ARHGEF17: variants seen among roughly 807,000 people sequenced by gnomAD.
The protein encoded by ARHGEF17 is Rho guanine nucleotide exchange factor 17, also known as 164 kDa Rho-specific guanine-nucleotide exchange factor.
In ARHGEF17, 80 loss-of-function variants were observed where a neutral mutation model predicts 174.0. The ratio of observed to expected loss-of-function variants is 0.46; its 90% CI spans 0.38 to 0.55. The LOEUF (loss-of-function observed/expected upper bound fraction) is 0.55. ARHGEF17 is among the 20% of genes least tolerant of loss of function. The pLI is 0.00. For synonymous variants in ARHGEF17, 1,311 were observed against 1,189.1 expected, an observed-to-expected ratio of 1.10 and a Z score of -2.11; for missense variants, 2,886 against 2,839.7, an observed-to-expected ratio of 1.02 and a Z score of -0.37.
rs1361148463 is a variant in ARHGEF17, at chr11:73,309,371, A to G, written c.733A>G (p.Ser245Gly). 1.3e-6 allele frequency: 2 copies of G among 1,594,172 alleles called. No homozygotes were observed. Among genetic ancestry groups the G allele is most frequent in the Non-Finnish European group, 1.7e-6 (2 of 1,170,520 alleles). Reference protein sequence around the residue: ...SIAASYPVSRSRAASSSEEEE... With the variant: ...SIAASYPVSRGRAASSSEEEE... ...CGCCGCCTCCTATCCTGTCAGCCGC[A>G]GTCGTGCTGCCAGCTCCAGCGAGGA... Residue 245 changes from serine (S) to glycine (G), a missense_variant, in exon 1 of 21, where the codon AGT becomes GGT. Around this residue, in one of 4 missense-constraint regions of ARHGEF17, gnomAD observed 1,728 missense variants for 1,461.2 expected, o/e 1.18. Transcript: ENST00000263674.
At chr11:73,364,268 C>T (rs1292505170) in intron 17 of ARHGEF17, 29 bp downstream of exon 17, 1 of 1,612,340 alleles carries the variant, frequency 6.2e-7, no homozygotes, top group African/African-American at 1.3e-5. Context: ...CCACACCCTG[C>T]CCCTGTCCCC....
rs1865830191 is a variant in ARHGEF17, at chr11:73,365,921, C to T, written c.5969C>T (p.Pro1990Leu). The T allele has an allele frequency of 2.5e-6, 4 of 1,605,052 alleles. No individual in the cohort carries two copies. Reference protein sequence around the residue: ...QLPDGFNLLCPTPPPPPDTGP... With the variant: ...QLPDGFNLLCLTPPPPPDTGP... ...CCAGATGGCTTCAACCTGCTCTGCC[C>T]AACCCCACCACCTCCCCCAGACACA... is the stretch of plus-strand genomic sequence containing the variant. Residue 1990 changes from proline (P) to leucine (L), a missense_variant, in exon 20 of 21, where the codon CCA (proline) becomes CTA (leucine). Physicochemically the swap from Pro to Leu is moderately conservative, Grantham distance 98 (BLOSUM62 -3). Around this residue, in one of 4 missense-constraint regions of ARHGEF17, gnomAD observed 329 missense variants for 435.2 expected, o/e 0.76. Transcript: ENST00000263674. This position sits in a 1 kb window ranked among gnomAD's most constrained non-coding sequence, Gnocchi z 4.9.
intron 2 of ARHGEF17, 54 bp downstream of exon 2, chr11:73,347,014 G>A (rs1181241301): frequency 6.6e-7 from 1 of 1,522,726 alleles, no homozygotes; most frequent in Admixed American, 1.9e-5. Context: ...CTAGGAGGCT[G>A]TCAGATGGGT....
intron 3 of ARHGEF17, 118 bp downstream of exon 3, chr11:73,353,130 C>G: frequency 1.5e-6 from 2 of 1,333,254 alleles, no homozygotes; most frequent in South Asian, 1.3e-5. Flanking sequence ...GTTTCCAGAT[C>G]TGACCATAGA....
intron 1 of ARHGEF17, among the ~76,000 whole-genome samples, chr11:73,319,533 G>A (rs117360610): frequency 0.015 from 2,339 of 152,254 alleles, 30 homozygotes; most frequent in Middle Eastern, 0.037. Flanking sequence ...GTAATGCCAG[G>A]GCCATTATTC....
chr11:73,359,610 G>A lies in ARHGEF17; in HGVS notation c.4088-224G>A, dbSNP rs542579211. Among the ~76,000 whole-genome samples, 187 of 152,316 alleles carry A rather than the reference G, an allele frequency of 1.2e-3. 1 individual carries two copies. Among genetic ancestry groups the A allele is most frequent in the African/African-American group, 4.1e-3 (170 of 41,558 alleles). On this transcript the variant is annotated intron_variant, in intron 9 of 20. Coordinates refer to ENST00000263674, the MANE Select transcript of ARHGEF17 (RefSeq NM_014786.4). ...ATTCTCCGTGGGCCTGACATCCTGCGCCACATGGCTCTGAATCAGGCCTAG... is the reference window on the plus strand; with the variant it reads ...ATTCTCCGTGGGCCTGACATCCTGCACCACATGGCTCTGAATCAGGCCTAG...
chr11:73,346,032 C>G (rs990435561), intron 1 of ARHGEF17, among the ~76,000 whole-genome samples: 1 of 151,868 alleles, frequency 6.6e-6, no homozygotes, highest in Non-Finnish European at 1.5e-5. Flanking sequence ...GGGCTGAACA[C>G]AAGGCATCCC....
chr11:73,352,077 C>T (rs1398068036), intron 2 of ARHGEF17, among the ~76,000 whole-genome samples: 1 of 152,052 alleles, frequency 6.6e-6, no homozygotes, highest in Non-Finnish European at 1.5e-5. Context: ...AATCCCAGCA[C>T]TTTGGGAGGC....
At chr11:73,322,028 A>G (rs1865025529) in intron 1 of ARHGEF17, among the ~76,000 whole-genome samples, 1 of 152,218 alleles carries the variant, frequency 6.6e-6, no homozygotes, top group African/African-American at 2.4e-5. Flanking sequence ...CCGGGCCTCC[A>G]GGGACTGCTG....
chr11:73,362,190 C>T lies in ARHGEF17; in HGVS notation c.4645C>T (p.Arg1549Cys), dbSNP rs1241550906. ...VEACIAVCSA[R>C]ILCIGAVPGL... The stretch of plus-strand genomic sequence containing the variant: ...GGCCTGCATCGCCGTCTGTTCCGCC[C>T]GCATCCTCTGCATCGGGGCGGTGCC... The change falls in exon 13 of 21, where the codon CGC becomes TGC. Residue 1549 changes from arginine to cysteine, a missense_variant. Arg to Cys is a radical substitution (Grantham distance 180, BLOSUM62 -3). Around this residue, in one of 4 missense-constraint regions of ARHGEF17, gnomAD observed 476 missense variants for 473.1 expected, o/e 1.01. Coordinates refer to ENST00000263674, the MANE Select transcript of ARHGEF17 (RefSeq NM_014786.4). 6.3e-7 allele frequency: 1 copy of T among 1,579,424 alleles called. No homozygotes were observed. Among genetic ancestry groups the T allele is most frequent in the Non-Finnish European group, 8.6e-7 (1 of 1,166,650 alleles).
rs758637636 is a variant in ARHGEF17, at chr11:73,356,206, C to T, written c.3695C>T (p.Pro1232Leu). 3.1e-5 allele frequency: 50 copies of T among 1,613,728 alleles called. No individual in the cohort carries two copies. The highest frequency in any genetic ancestry group is 5.3e-5 in the African/African-American group (4 of 74,898). Residue 1232 changes from proline (P) to leucine (L), a missense_variant, in exon 6 of 21, where the codon CCG becomes CTG. Pro to Leu is a moderately conservative substitution (Grantham distance 98, BLOSUM62 -3). Around this residue, in one of 4 missense-constraint regions of ARHGEF17, gnomAD observed 353 missense variants for 470.3 expected, o/e 0.75. Coordinates refer to ENST00000263674, the MANE Select transcript of ARHGEF17 (RefSeq NM_014786.4). Reference sequence around the variant, plus strand: ...CTGAAGCATACACCTGAGGACCACCCGGACCATCCACTCCTGCTGGAGGCG... The same window carrying T: ...CTGAAGCATACACCTGAGGACCACCTGGACCATCCACTCCTGCTGGAGGCG... ...DLLKHTPEDH[P>L]DHPLLLEAQR...
chr11:73,344,597 G>C (rs1054925832), intron 1 of ARHGEF17, among the ~76,000 whole-genome samples: 1 of 152,250 alleles, frequency 6.6e-6, no homozygotes, highest in Non-Finnish European at 1.5e-5. Context: ...CTGTCAGGGA[G>C]CTCCCCACGC....
chr11:73,354,090 T>C (rs1282071831), intron 3 of ARHGEF17, among the ~76,000 whole-genome samples: 1 of 152,234 alleles, frequency 6.6e-6, no homozygotes, highest in Non-Finnish European at 1.5e-5. Context: ...TGTTTCAATA[T>C]ATTTGCTATG....
chr11:73,356,944 T>C (rs964151944), intron 7 of ARHGEF17, 81 bp from the exon 8 acceptor site: 12 of 1,518,902 alleles, frequency 7.9e-6, no homozygotes, highest in Non-Finnish European at 1.1e-5. Flanking sequence ...TGGGTCTCAG[T>C]GTCCCCTTGG....
chr11:73,327,084 C>T (rs1003126170), intron 1 of ARHGEF17, among the ~76,000 whole-genome samples: 1 of 152,210 alleles, frequency 6.6e-6, no homozygotes, highest in South Asian at 2.1e-4. Context: ...GAGCATACCA[C>T]CCATCCTTGG....
intron 20 of ARHGEF17, 116 bp downstream of exon 20, chr11:73,366,063 G>A: frequency 7.5e-7 from 1 of 1,339,484 alleles, no homozygotes; most frequent in South Asian, 1.4e-5. Context: ...AGAGCTGGAG[G>A]TGGCATATGT....
Position 73,309,231 on chromosome 11 carries a change from G to T in ARHGEF17, c.593G>T (p.Arg198Leu). ...LTGPETEGRL[R>L]RPQQQQERAQ... ...GGGCCGGAGACCGAAGGGAGGCTGC[G>T]CCGGCCGCAGCAGCAACAGGAGCGG... The change falls in exon 1 of 21, where the codon CGC becomes CTC. Residue 198 changes from arginine to leucine, a missense_variant. Arg to Leu is a moderately radical substitution (Grantham distance 102, BLOSUM62 -2). Transcript: ENST00000263674. The T allele has an allele frequency of 6.2e-7, 1 of 1,602,386 alleles. No homozygotes were observed. The highest frequency in any genetic ancestry group is 8.5e-7 in the Non-Finnish European group (1 of 1,174,560).
intron 5 of ARHGEF17, 98 bp downstream of exon 5, chr11:73,356,051 G>A (rs1865632440): frequency 1.3e-6 from 2 of 1,570,288 alleles, no homozygotes; most frequent in African/African-American, 1.4e-5. Flanking sequence ...TGACATCAGG[G>A]TCCCTAGGGG....
intron 1 of ARHGEF17, among the ~76,000 whole-genome samples, chr11:73,317,054 G>A (rs1181991722): frequency 5.9e-5 from 9 of 152,138 alleles, no homozygotes; most frequent in Non-Finnish European, 1.5e-5. Flanking sequence ...GTGTGTGAGG[G>A]GTCACTTAGG....
Sources: allele counts gnomAD v4.1 joint callset (sites outside exome capture counted in the v4.1 genomes callset), GRCh38; gene constraint gnomAD v4.1.1; regional missense constraint gnomAD v4.1.1; non-coding constraint Gnocchi (gnomAD v3.1); transcripts MANE v1.5; gene names NCBI Gene and HGNC (gene_info 2026-07-23, HGNC 2026-07-21).